Variants in SUSD6 observed in about 807,000 individuals in gnomAD.
The protein encoded by SUSD6 is sushi domain containing 6, also known as sushi domain-containing protein 6.
A neutral mutation model predicts 28.4 loss-of-function variants in SUSD6; 16 were observed. The ratio of observed to expected loss-of-function variants is 0.56; its 90% confidence interval spans 0.38 to 0.86. SUSD6 has a LOEUF of 0.86. Among genes scored for constraint, SUSD6 ranks in the 40% least tolerant of loss-of-function variants. The pLI, the probability that SUSD6 is intolerant of heterozygous loss-of-function variation, is 0.00. For missense variants in SUSD6, 341 were observed against 384.2 expected (o/e 0.89, Z 0.94); for synonymous variants, 147 against 159.6 (o/e 0.92, Z 0.59).
At chr14:69,689,697 C>G (rs1039923260) in intron 2 of SUSD6, among the ~76,000 whole-genome samples, 8 of 152,214 alleles carry the variant, frequency 5.3e-5, no homozygotes, top group African/African-American at 1.7e-4. Context: ...GAGATGGAGT[C>G]TCGCTCTCAC....
At chr14:69,617,487 A>G (rs1335605518) in intron 1 of SUSD6, 1 of 152,230 alleles carries the variant, frequency 6.6e-6, no homozygotes, top group Non-Finnish European at 1.5e-5. Context: ...AAAAAGAGAG[A>G]ATCCTGTTTT....
chr14:69,619,559 A>C (rs1474789477), intron 1 of SUSD6, among the ~76,000 whole-genome samples: 1 of 151,694 alleles, frequency 6.6e-6, no homozygotes, highest in Non-Finnish European at 1.5e-5. Flanking sequence ...CCAGTTCAAG[A>C]CTAGCCTGGG....
At chr14:69,620,795 G>T (rs1566588207) in intron 1 of SUSD6, among the ~76,000 whole-genome samples, 1 of 152,104 alleles carries the variant, frequency 6.6e-6, no homozygotes, top group African/African-American at 2.4e-5. Flanking sequence ...TTTAATCTGG[G>T]AATGTTTTCA....
At position 69,705,767 on chromosome 14, in the gene SUSD6, T is replaced by C. The variant is rs142770842; in HGVS notation, c.458+1025T>C. Reference sequence around the variant, plus strand: ...AAGTGGATTTTCTTGCCTGCCTTTATCAGTTTCCTTTTCCAGTCTACTGCT... The same window carrying C: ...AAGTGGATTTTCTTGCCTGCCTTTACCAGTTTCCTTTTCCAGTCTACTGCT... On this transcript the variant is annotated intron_variant, in intron 4 of 5. Transcript: ENST00000342745. Among the ~76,000 whole-genome samples, 3 of 152,370 alleles carry C rather than the reference T, an allele frequency of 2.0e-5. No individual in the cohort carries two copies. In the East Asian group the frequency reaches 5.8e-4, roughly 29 times the overall value.
At chr14:69,626,977 A>G (rs998062730) in intron 1 of SUSD6, among the ~76,000 whole-genome samples, 1 of 151,778 alleles carries the variant, frequency 6.6e-6, no homozygotes. Context: ...GAGCCACTGC[A>G]ACTGGCCTGT....
chr14:69,668,517 C>A (rs1885778978), intron 2 of SUSD6, among the ~76,000 whole-genome samples: 1 of 151,958 alleles, frequency 6.6e-6, no homozygotes, highest in African/African-American at 2.4e-5. Flanking sequence ...CACCTGTAAT[C>A]CCAGCTACTT....
chr14:69,659,251 G>A (rs1885628325), intron 2 of SUSD6, among the ~76,000 whole-genome samples: 1 of 152,210 alleles, frequency 6.6e-6, no homozygotes, highest in South Asian at 2.1e-4. Context: ...GAATGAGTGG[G>A]TAGTTGAAGT....
chr14:69,634,579 G>T lies in SUSD6; in HGVS notation c.-81+22751G>T, dbSNP rs1348419480. 2.0e-5 allele frequency among the ~76,000 whole-genome samples: 3 copies of T among 152,198 alleles called. No homozygotes were observed. The East Asian group carries it at 5.8e-4, about 29-fold the overall frequency. The stretch of plus-strand genomic sequence containing the variant: ...TGAAATAGGTTGGTAACATCTGTGG[G>T]CTAGGACGGTTTCAGCCAGCTAAAT... On this transcript the variant is annotated intron_variant, in intron 1 of 5. Coordinates refer to ENST00000342745, the MANE Select transcript of SUSD6 (RefSeq NM_014734.4).
At chr14:69,695,434 G>A (rs1424390672) in intron 2 of SUSD6, among the ~76,000 whole-genome samples, 1 of 152,250 alleles carries the variant, frequency 6.6e-6, no homozygotes, top group East Asian at 1.9e-4. Context: ...TGGAGAGGTA[G>A]TGAGGCCCGC....
Position 69,695,832 on chromosome 14 carries a change from T to C in SUSD6, c.122-7563T>C, listed in dbSNP as rs1285268688. Reference sequence around the variant, plus strand: ...AAGTGCTCAGATAGTGCCTGGCCTGTAGTCAGTGAACACAAGCTGTTGTTA... The same window carrying C: ...AAGTGCTCAGATAGTGCCTGGCCTGCAGTCAGTGAACACAAGCTGTTGTTA... On this transcript the variant is annotated intron_variant, in intron 2 of 5. Transcript: ENST00000342745. Among the ~76,000 whole-genome samples the C allele has an allele frequency of 2.0e-5, 3 of 152,244 alleles. No individual in the cohort carries two copies. In the East Asian group the frequency reaches 5.8e-4, roughly 29 times the overall value.
chr14:69,699,814 C>G (rs563939234), intron 2 of SUSD6, among the ~76,000 whole-genome samples: 13 of 151,920 alleles, frequency 8.6e-5, no homozygotes, highest in Non-Finnish European at 1.9e-4. Flanking sequence ...GAGAAGAGCT[C>G]TCTGCACAGA....
chr14:69,645,332 C>T (rs1440857593), intron 1 of SUSD6, among the ~76,000 whole-genome samples: 1 of 152,126 alleles, frequency 6.6e-6, no homozygotes, highest in Non-Finnish European at 1.5e-5. Flanking sequence ...AACCTTAAGG[C>T]CTCAGATGTA....
intron 1 of SUSD6, among the ~76,000 whole-genome samples, chr14:69,647,239 A>G (rs894578641): frequency 4.7e-5 from 7 of 149,712 alleles, no homozygotes; most frequent in African/African-American, 1.2e-4. Context: ...AAATTATATC[A>G]GGAAGACTCT....
chr14:69,638,084 A>G (rs1408266694), intron 1 of SUSD6, among the ~76,000 whole-genome samples: 1 of 152,144 alleles, frequency 6.6e-6, no homozygotes, highest in East Asian at 1.9e-4. Context: ...TATGTTACAT[A>G]AGACAGCAGC....
Position 69,708,918 on chromosome 14 carries a change from G to C in SUSD6, c.700G>C (p.Gly234Arg). ...TGCAGGTGGAGAAGATGAGGCCCCA[G>C]GCCAGTCTGGACTATGTGAAGCCTG... The part of the protein sequence containing the change: ...SSAGGEDEAP[G>R]QSGLCEAWGS... The change falls in exon 5 of 6, where the codon GGC becomes CGC. Residue 234 changes from glycine to arginine, a missense_variant. Transcript: ENST00000342745. The C allele has an allele frequency of 6.2e-7, 1 of 1,614,178 alleles. No individual in the cohort carries two copies. The highest frequency in any genetic ancestry group is 1.3e-5 in the African/African-American group (1 of 75,060).
intron 1 of SUSD6, among the ~76,000 whole-genome samples, chr14:69,627,601 A>T (rs539809298): frequency 2.8e-3 from 432 of 152,154 alleles, no homozygotes; most frequent in African/African-American, 0.01. Context: ...AGTAGCTGAG[A>T]TTACAGGCGC....
intron 2 of SUSD6, among the ~76,000 whole-genome samples, chr14:69,672,663 G>GT (rs895089304): frequency 8.5e-5 from 13 of 152,352 alleles, no homozygotes; most frequent in Middle Eastern, 3.4e-3. Context: ...CCCACAGCAG[G>GT]TGCTTGGTGT....
chr14:69,676,537 G>A (rs747465340), intron 2 of SUSD6, among the ~76,000 whole-genome samples: 2 of 152,048 alleles, frequency 1.3e-5, no homozygotes, highest in Non-Finnish European at 2.9e-5. Context: ...ATGCCACCAT[G>A]CCTGGCTAAT....
intron 1 of SUSD6, among the ~76,000 whole-genome samples, chr14:69,619,363 A>G (rs1885002593): frequency 6.6e-6 from 1 of 152,130 alleles, no homozygotes; most frequent in Non-Finnish European, 1.5e-5. Flanking sequence ...TTATTCCTTT[A>G]CTTTCTTAAT....
Sources: gnomAD v4.1 joint callset for allele counts (sites outside exome capture counted in the v4.1 genomes callset) on GRCh38, gnomAD v4.1.1 for gene constraint, MANE v1.5 for transcripts, NCBI Gene and HGNC (gene_info 2026-07-23, HGNC 2026-07-21) for gene names.